MAPT: variants seen among roughly 807,000 people sequenced by gnomAD.
MAPT encodes microtubule-associated protein tau.
A neutral mutation model predicts 67.9 loss-of-function variants in MAPT; 34 were observed. The observed-to-expected ratio is 0.50, with a 90% CI of 0.38 to 0.67. The LOEUF (loss-of-function observed/expected upper bound fraction) is 0.67. MAPT is among the 30% of genes least tolerant of loss of function. The pLI is 0.00. For missense variants in MAPT, 881 were observed against 1,115.2 expected (o/e 0.79, Z 2.99); for synonymous variants, 456 against 464.5 (o/e 0.98, Z 0.23).
At position 46,018,737 on chromosome 17, in the gene MAPT, G is replaced by C; in HGVS notation, c.2286+7G>C. 6.3e-7 allele frequency: 1 copy of C among 1,594,334 alleles called. No homozygotes were observed. Among genetic ancestry groups the C allele is most frequent in the South Asian group, 1.1e-5 (1 of 90,662 alleles). ...TGGCGGAGGAAATAAAAAGGTAAAGGGGGTAGGGTGGGTTGGATGCTGCCC... is the reference window on the plus strand; with the variant it reads ...TGGCGGAGGAAATAAAAAGGTAAAGCGGGTAGGGTGGGTTGGATGCTGCCC... On this transcript the variant is annotated splice_region_variant and intron_variant, in intron 12 of 12. Transcript: ENST00000262410.
chr17:45,954,983 TCAAAAACAAAAA>T (rs560535735), intron 1 of MAPT, among the ~76,000 whole-genome samples: 31 of 151,996 alleles, frequency 2.0e-4, no homozygotes, highest in South Asian at 6.2e-4. Context: ...AGACTCCGTC[TCAAAAACAAAAA>T]CAAAAACAAA....
chr17:46,017,435 G>A (rs1175717026), intron 11 of MAPT, among the ~76,000 whole-genome samples: 20 of 80,146 alleles, frequency 2.5e-4, no homozygotes, highest in Admixed American at 1.2e-3. Context: ...CAACATGCCT[G>A]GCTAATTTTT....
rs929386044 is a variant in MAPT, at chr17:45,915,128, T to C, written c.-18+20442T>C. Among the ~76,000 whole-genome samples the C allele has an allele frequency of 6.6e-6, 1 of 152,196 alleles. No individual in the cohort carries two copies. Among genetic ancestry groups the C allele is most frequent in the African/African-American group, 2.4e-5 (1 of 41,456 alleles). ...TTTTAAAAGGCTCCTCAAGTGATGC[T>C]GGCAGGCATGACGAATGTCCCTGGT... is the stretch of plus-strand genomic sequence containing the variant. On this transcript the variant is annotated intron_variant, in intron 1 of 12. Transcript: ENST00000262410. The surrounding 1 kb of genome is among the most constrained non-coding windows in gnomAD (Gnocchi z 4.4).
intron 1 of MAPT, among the ~76,000 whole-genome samples, chr17:45,930,416 A>AG (rs2066740839): frequency 6.6e-6 from 1 of 152,038 alleles, no homozygotes; most frequent in Non-Finnish European, 1.5e-5. Context: ...CCAAAAAAAA[A>AG]AAAAAAAAGA....
chr17:46,012,845 C>T (rs1409642245), intron 10 of MAPT, among the ~76,000 whole-genome samples: 3 of 151,780 alleles, frequency 2.0e-5, no homozygotes, highest in East Asian at 3.9e-4. Context: ...CCACCTCCCT[C>T]GGCCCTGGTC....
In MAPT at chr17:46,027,769, T is replaced by C. The variant is rs2076877371; in HGVS notation, c.*3598T>C. On this transcript the variant is annotated 3_prime_UTR_variant, in exon 13 of 13. Transcript: ENST00000262410. ...CCAGCCAGGTGCAGGCGTAGGAATA[T>C]GGACATCTGGTTGCTTTGGCCTGCT... 6.6e-6 allele frequency: 1 copy of C among 152,272 alleles called. No individual in the cohort carries two copies. Among genetic ancestry groups the C allele is most frequent in the African/African-American group, 2.4e-5 (1 of 41,448 alleles). 9.4% of individuals were successfully genotyped at this position (152,272 alleles called of 1,614,324 possible).
At chr17:46,017,545 C>G (rs1252793688) in intron 11 of MAPT, among the ~76,000 whole-genome samples, 1 of 144,174 alleles carries the variant, frequency 6.9e-6, no homozygotes, top group Non-Finnish European at 1.5e-5. Context: ...CCTCCACCTC[C>G]TGGATTCAAG....
chr17:46,018,538 C>T (rs1428956086), intron 11 of MAPT, 80 bp from the exon 12 acceptor site: 2 of 1,068,802 alleles, frequency 1.9e-6, no homozygotes. Flanking sequence ...CTGTAGACTG[C>T]AGACCTCATG....
In MAPT at chr17:45,941,729, T is replaced by G. The variant is rs374940729; in HGVS notation, c.-17-20592T>G. ...TGCCTTCCTTCCTTCCTTCCTTCCT[T>G]CCTTCCTTCCTTCCTTCCTTCCTTC... On this transcript the variant is annotated intron_variant, in intron 1 of 12. Coordinates refer to ENST00000262410, the MANE Select transcript of MAPT (RefSeq NM_001377265.1). Among the ~76,000 whole-genome samples, 178 of 126,770 alleles carry G rather than the reference T, an allele frequency of 1.4e-3. 2 individuals carry two copies. Among genetic ancestry groups the G allele is most frequent in the Admixed American group, 4.9e-3 (59 of 11,948 alleles). The allele number at this position is 126,770 out of a possible 152,430, so 83.2% of individuals were successfully genotyped here. A position where few individuals can be genotyped will look rare whatever the true frequency, so the allele number is the denominator to read the frequency against.
At chr17:45,941,346 A>G (rs993118095) in intron 1 of MAPT, among the ~76,000 whole-genome samples, 5 of 152,112 alleles carry the variant, frequency 3.3e-5, no homozygotes, top group African/African-American at 1.2e-4. Flanking sequence ...GTCTTTTCTT[A>G]AGGCTCTTGG....
intron 6 of MAPT, among the ~76,000 whole-genome samples, chr17:45,989,064 G>A (rs1010636297): frequency 1.3e-5 from 2 of 152,110 alleles, no homozygotes; most frequent in African/African-American, 2.4e-5. Context: ...ACTCCTGATT[G>A]TAGCCATATG....
chr17:45,991,797 C>A (rs115805526), intron 8 of MAPT, among the ~76,000 whole-genome samples: 6 of 102,756 alleles, frequency 5.8e-5, no homozygotes, highest in Non-Finnish European at 1.0e-4. Context: ...TTTTTTTTTT[C>A]TTTTGAGACA....
At chr17:45,974,477 G>A (rs1328916875) in intron 3 of MAPT, 3 of 1,597,864 alleles carry the variant, frequency 1.9e-6, no homozygotes, top group Admixed American at 3.5e-5. Context: ...CACAGGTGAG[G>A]GTAAGCCCCA....
intron 1 of MAPT, among the ~76,000 whole-genome samples, chr17:45,926,477 TTTTTTTA>T (rs1022425432): frequency 2.6e-4 from 39 of 151,832 alleles, no homozygotes; most frequent in African/African-American, 9.4e-4. Context: ...CCTGGCTAAT[TTTTTTTA>T]TTTTTTATTT....
At position 46,024,686 on chromosome 17, in the gene MAPT, G is replaced by A. The variant is rs1408527079; in HGVS notation, c.*515G>A. ...CCTTGTGTGAGTGTGACGGGGGTTG[G>A]GGTGGGGCGGGAGGCCACGGGGGAG... On this transcript the variant is annotated 3_prime_UTR_variant, in exon 13 of 13. Transcript: ENST00000262410. The A allele has an allele frequency of 9.6e-6, 2 of 208,570 alleles. No homozygotes were observed. Among genetic ancestry groups the A allele is most frequent in the Non-Finnish European group, 2.0e-5 (2 of 101,604 alleles). The allele number at this position is 208,570 out of a possible 1,614,324, so 12.9% of individuals were successfully genotyped here. A position where few individuals can be genotyped will look rare whatever the true frequency, so the allele number is the denominator to read the frequency against.
chr17:45,968,620 T>A (rs561699501), intron 2 of MAPT, among the ~76,000 whole-genome samples: 1 of 152,348 alleles, frequency 6.6e-6, no homozygotes, highest in East Asian at 1.9e-4. Flanking sequence ...TTTCCTCATA[T>A]GACCAGAGCC....
At chr17:45,999,016 C>T (rs771358178) in intron 9 of MAPT, among the ~76,000 whole-genome samples, 6 of 152,158 alleles carry the variant, frequency 3.9e-5, no homozygotes, top group Admixed American at 6.5e-5. Flanking sequence ...CCACAAGGTG[C>T]TCCCTTCCCC....
At chr17:45,991,642 C>G in intron 8 of MAPT, 56 bp downstream of exon 8, 3 of 1,613,502 alleles carry the variant, frequency 1.9e-6, no homozygotes, top group South Asian at 2.2e-5. Flanking sequence ...AGAGGTACAG[C>G]CTTCATTTTA....
rs62056786 is a variant in MAPT, at chr17:45,897,919, T to C, written c.-18+3233T>C. Reference sequence around the variant, plus strand: ...TCCTACCGCGGTTGATTCTGGGGTGTCATTTTGTGTTTTGTGATGGCTGCT... The same window carrying C: ...TCCTACCGCGGTTGATTCTGGGGTGCCATTTTGTGTTTTGTGATGGCTGCT... On this transcript the variant is annotated intron_variant, in intron 1 of 12. Coordinates refer to ENST00000262410, the MANE Select transcript of MAPT (RefSeq NM_001377265.1). This position sits in a 1 kb window ranked among gnomAD's most constrained non-coding sequence, Gnocchi z 5.0. 21,808 of 152,246 alleles carry C rather than the reference T, an allele frequency of 0.14. 2,130 individuals are homozygous for C. Among genetic ancestry groups the C allele is most frequent in the Middle Eastern group, 0.22 (64 of 294 alleles). The allele number at this position is 152,246 out of a possible 1,614,324, so 9.4% of individuals were successfully genotyped here. A position where few individuals can be genotyped will look rare whatever the true frequency, so the allele number is the denominator to read the frequency against.
Sources: gnomAD v4.1 joint callset for allele counts (sites outside exome capture counted in the v4.1 genomes callset) on GRCh38, gnomAD v4.1.1 for gene constraint, Gnocchi (gnomAD v3.1) non-coding constraint, MANE v1.5 for transcripts, NCBI Gene and HGNC (gene_info 2026-07-23, HGNC 2026-07-21) for gene names.